Variants in CSHL1 observed in about 807,000 individuals in gnomAD.
The protein encoded by CSHL1 is chorionic somatomammotropin hormone-like 1.
In CSHL1, 25 loss-of-function variants were observed where a neutral mutation model predicts 24.3. The ratio of observed to expected loss-of-function variants is 1.03; its 90% CI spans 0.75 to 1.44. CSHL1 has a LOEUF of 1.44. Ranked by LOEUF, CSHL1 falls within the 40% of genes most tolerant of loss-of-function variation. CSHL1 has a pLI of 0.00. For synonymous variants in CSHL1, 157 were observed against 115.6 expected, an observed-to-expected ratio of 1.36 and a Z score of -2.30; for missense variants, 342 against 279.3, an observed-to-expected ratio of 1.22 and a Z score of -1.60.
At position 63,909,664 on chromosome 17, in the gene CSHL1, G is replaced by A. The variant is rs748064305; in HGVS notation, c.*47C>T. The stretch of plus-strand genomic sequence containing the variant: ...GTGGGCACTGGAGTGGCACCTTCAG[G>A]GCCAGGAGAGGCACTGGGGAGGGGT... On this transcript the variant is annotated 3_prime_UTR_variant, in exon 5 of 5. Transcript: ENST00000309894. 5 of 1,613,570 alleles carry A rather than the reference G, an allele frequency of 3.1e-6. No individual in the cohort carries two copies. In the African/African-American group the frequency reaches 6.7e-5, roughly 22 times the overall value.
intron 2 of CSHL1, 39 bp from the exon 3 acceptor site, chr17:63,910,574 G>T (rs373084242): frequency 4.3e-6 from 7 of 1,614,064 alleles, no homozygotes; most frequent in Middle Eastern, 1.6e-4. Flanking sequence ...AAGGACCACT[G>T]CTTTCTATGC....
rs1157775982 is a variant in CSHL1, at chr17:63,909,850, A to G, written c.530T>C (p.Phe177Ser). ...GTCATGGTTGTGCGAGTTTGTGTCA[A>G]ACTTGCTGTAGGTCTGCTTGAGGGT... ...GQTLKQTYSK[F>S]DTNSHNHDAL... The change falls in exon 5 of 5, where the codon TTT becomes TCT. Residue 177 changes from phenylalanine (F) to serine (S), a missense_variant. Phe to Ser is a radical substitution (Grantham distance 155). Transcript: ENST00000309894. 6 of 1,613,846 alleles carry G rather than the reference A, an allele frequency of 3.7e-6. No homozygotes were observed. The highest frequency in any genetic ancestry group is 5.1e-6 in the Non-Finnish European group (6 of 1,179,860).
At position 63,910,774 on chromosome 17, in the gene CSHL1, T is replaced by C; in HGVS notation, c.161A>G (p.Tyr54Cys). The change falls in exon 2 of 5, where the codon TAC becomes TGC. Residue 54 changes from tyrosine (Y) to cysteine (C), a missense_variant. Coordinates refer to ENST00000309894, the MANE Select transcript of CSHL1 (RefSeq NM_022579.3). ...TCCCCAAGAGCTTATAAACTCCTGG[T>C]AGGTGTCAATGGCCAGCTGGTGTGC... ...HRAHQLAIDTYQEFISSWGME... is the reference protein window; with the variant it reads ...HRAHQLAIDTCQEFISSWGME... 1 of 1,614,178 alleles carries C rather than the reference T, an allele frequency of 6.2e-7. No homozygotes were observed. The highest frequency in any genetic ancestry group is 8.5e-7 in the Non-Finnish European group (1 of 1,180,024).
At position 63,909,642 on chromosome 17, in the gene CSHL1, G is replaced by A; in HGVS notation, c.*69C>T. 1 of 1,610,462 alleles carries A rather than the reference G, an allele frequency of 6.2e-7. No individual in the cohort carries two copies. Among genetic ancestry groups the A allele is most frequent in the East Asian group, 2.2e-5 (1 of 44,802 alleles). ...TAATTTTATTAAGACAAGGCTGGTG[G>A]GCACTGGAGTGGCACCTTCAGGGCC... On this transcript the variant is annotated 3_prime_UTR_variant, in exon 5 of 5. Coordinates refer to ENST00000309894, the MANE Select transcript of CSHL1 (RefSeq NM_022579.3).
At position 63,911,165 on chromosome 17, in the gene CSHL1, A is replaced by G. The variant is rs771225821; in HGVS notation, c.10+22T>C. 1.2e-5 allele frequency: 20 copies of G among 1,613,470 alleles called. No individual in the cohort carries two copies. In the African/African-American group the frequency reaches 2.0e-4, roughly 16 times the overall value. On this transcript the variant is annotated intron_variant, in intron 1 of 4. Transcript: ENST00000309894. ...CTCCCCTCAGGACACGTTGTGCCCA[A>G]AGGGATTTTAGGGGCGCTTACCTGC...
Position 63,910,302 on chromosome 17 carries a change from G to C in CSHL1, c.331C>G (p.Leu111Val). 1 of 1,614,168 alleles carries C rather than the reference G, an allele frequency of 6.2e-7. No homozygotes were observed. The highest frequency in any genetic ancestry group is 8.5e-7 in the Non-Finnish European group (1 of 1,180,010). The change falls in exon 4 of 5, where the codon CTG (leucine) becomes GTG (valine). Residue 111 changes from leucine to valine, a missense_variant. By Grantham distance (32) the Leu-to-Val change is conservative (BLOSUM62 1). Coordinates refer to ENST00000309894, the MANE Select transcript of CSHL1 (RefSeq NM_022579.3). Reference protein sequence around the residue: ...KSNLELLHISLLLIESRLEPV... With the variant: ...KSNLELLHISVLLIESRLEPV... ...TCCAGCCGCGACTCGATGAGCAGCA[G>C]GGAGATGTGGAGCAGCTCTAAGTTC...
chr17:63,910,858 GC>G lies in CSHL1; in HGVS notation c.76del (p.Ala26ProfsTer33), dbSNP rs1472494295. On this transcript the variant is annotated frameshift_variant, in exon 2 of 5. Transcript: ENST00000309894. LOFTEE classifies it high-confidence loss of function. ...LCLPWLQEAG[A>X]VQTVPLSRLF... ...CCTGGATAAGGGAACGGTTTGGACGGCACCAGCCTCTTGAAGCCAGGGCAGG... is the reference window on the plus strand; with the variant it reads ...CCTGGATAAGGGAACGGTTTGGACGGACCAGCCTCTTGAAGCCAGGGCAGG... The G allele has an allele frequency of 6.2e-7, 1 of 1,614,182 alleles. No individual in the cohort carries two copies. The highest frequency in any genetic ancestry group is 8.5e-7 in the Non-Finnish European group (1 of 1,180,038).
rs752673139 is a variant in CSHL1 at position 63,910,932 on chromosome 17, G to C, written c.11-8C>G. On this transcript the variant is annotated splice_polypyrimidine_tract_variant and splice_region_variant and intron_variant, in intron 1 of 4. Coordinates refer to ENST00000309894, the MANE Select transcript of CSHL1 (RefSeq NM_022579.3). The stretch of plus-strand genomic sequence containing the variant: ...GCAGGGACGTCCGGGAGCCTGGGGA[G>C]AAACCGGAGGGCAAGAAGGGAGCCG... 1 of 1,613,756 alleles carries C rather than the reference G, an allele frequency of 6.2e-7. No homozygotes were observed. The highest frequency in any genetic ancestry group is 1.1e-5 in the South Asian group (1 of 91,078).
chr17:63,911,179 G>T lies in CSHL1; in HGVS notation c.10+8C>A. The T allele has an allele frequency of 6.2e-7, 1 of 1,613,750 alleles. No homozygotes were observed. Among genetic ancestry groups the T allele is most frequent in the Non-Finnish European group, 8.5e-7 (1 of 1,179,872 alleles). ...CGTTGTGCCCAAAGGGATTTTAGGG[G>T]CGCTTACCTGCAGCCATTGCCGCTA... On this transcript the variant is annotated splice_region_variant and intron_variant, in intron 1 of 4. Transcript: ENST00000309894.
At chr17:63,910,010 A>G (rs762608368) in intron 4 of CSHL1, 102 bp from the exon 5 acceptor site, 20 of 1,613,778 alleles carry the variant, frequency 1.2e-5, no homozygotes, top group East Asian at 2.2e-5. Flanking sequence ...GTGTAGAGAA[A>G]GGCCTGGAGG....
rs145173950 is a variant in CSHL1 at position 63,909,805 on chromosome 17, C to T, written c.575G>A (p.Gly192Glu). 10 of 1,613,984 alleles carry T rather than the reference C, an allele frequency of 6.2e-6. No individual in the cohort carries two copies. The African/African-American group carries it at 1.2e-4, about 19-fold the overall frequency. ...HNHDALLKNY[G>E]LLHCFRKDMD... ...GTCCTTCCTGAAGCAGTGGAGCAGC[C>T]CGTAGTTCTTGAGCAGTGCGTCATG... The change falls in exon 5 of 5, where the codon GGG (glycine) becomes GAG (glutamate). Residue 192 changes from glycine to glutamate, a missense_variant. Transcript: ENST00000309894.
Position 63,910,750 on chromosome 17 carries a change from C to G in CSHL1, c.185G>C (p.Gly62Ala), listed in dbSNP as rs1287268478. ...DTYQEFISSW[G>A]MEAYITKEQK... ...TTGCCACCCCTGACCCGCACCCATT[C>G]CCCAAGAGCTTATAAACTCCTGGTA... Residue 62 changes from glycine (G) to alanine (A), a missense_variant, in exon 2 of 5, where the codon GGA becomes GCA. Transcript: ENST00000309894. The G allele has an allele frequency of 1.2e-6, 2 of 1,614,110 alleles. No homozygotes were observed. The highest frequency in any genetic ancestry group is 3.3e-5 in the Admixed American group (2 of 60,012).
intron 1 of CSHL1, 81 bp from the exon 2 acceptor site, chr17:63,911,005 T>TTC (rs1205196624): frequency 6.2e-7 from 1 of 1,610,492 alleles, no homozygotes; most frequent in Admixed American, 1.7e-5. Context: ...TGTTTTCTTT[T>TTC]TCTCTCTCTC....
rs200885726 is a variant in CSHL1 at position 63,910,938 on chromosome 17, G to C, written c.11-14C>G. 17 of 1,613,528 alleles carry C rather than the reference G, an allele frequency of 1.1e-5. No individual in the cohort carries two copies. Among genetic ancestry groups the C allele is most frequent in the Non-Finnish European group, 1.4e-5 (16 of 1,179,920 alleles). On this transcript the variant is annotated splice_polypyrimidine_tract_variant and intron_variant, in intron 1 of 4. Transcript: ENST00000309894. The stretch of plus-strand genomic sequence containing the variant: ...ACGTCCGGGAGCCTGGGGAGAAACC[G>C]GAGGGCAAGAAGGGAGCCGCAGAGC...
chr17:63,909,727 C>A lies in CSHL1; in HGVS notation c.653G>T (p.Gly218Val), dbSNP rs777133114. ...CGCGGGCCCCTAGAAGCCACAGCTGCCCTCCACAGAGCGGCACTGCACCAT... is the reference window on the plus strand; with the variant it reads ...CGCGGGCCCCTAGAAGCCACAGCTGACCTCCACAGAGCGGCACTGCACCAT... The part of the protein sequence containing the change: ...LRMVQCRSVE[G>V]SCGF Residue 218 changes from glycine (G) to valine (V), a missense_variant, in exon 5 of 5, where the codon GGC becomes GTC. Coordinates refer to ENST00000309894, the MANE Select transcript of CSHL1 (RefSeq NM_022579.3). 2 of 1,614,028 alleles carry A rather than the reference C, an allele frequency of 1.2e-6. No homozygotes were observed. The highest frequency in any genetic ancestry group is 1.7e-6 in the Non-Finnish European group (2 of 1,180,044).
At chr17:63,911,025 A>G (rs558487087) in intron 1 of CSHL1, 101 bp from the exon 2 acceptor site, 11 of 1,610,290 alleles carry the variant, frequency 6.8e-6, no homozygotes, top group Admixed American at 3.4e-5. Flanking sequence ...CCATCCCTCC[A>G]GGGACCAGGA....
At position 63,909,629 on chromosome 17, in the gene CSHL1, G is replaced by T; in HGVS notation, c.*82C>A. On this transcript the variant is annotated 3_prime_UTR_variant, in exon 5 of 5. Coordinates refer to ENST00000309894, the MANE Select transcript of CSHL1 (RefSeq NM_022579.3). ...AAACAATACAACTTAATTTTATTAA[G>T]ACAAGGCTGGTGGGCACTGGAGTGG... The T allele has an allele frequency of 6.2e-7, 1 of 1,604,910 alleles. No homozygotes were observed. The highest frequency in any genetic ancestry group is 1.1e-5 in the South Asian group (1 of 90,832).
In CSHL1 at chr17:63,910,550, G is replaced by GA. The variant is rs752132898; in HGVS notation, c.191-16dup. ...GATATAGGCTTCTTCCTAGGGGAAG[G>GA]ACCCCCCACCAAGAAGGACCACTGC... is the stretch of plus-strand genomic sequence containing the variant. On this transcript the variant is annotated splice_polypyrimidine_tract_variant and intron_variant, in intron 2 of 4. Transcript: ENST00000309894. 1.2e-6 allele frequency: 2 copies of GA among 1,614,046 alleles called. No individual in the cohort carries two copies. Among genetic ancestry groups the GA allele is most frequent in the Non-Finnish European group, 1.7e-6 (2 of 1,180,006 alleles).
chr17:63,910,394 G>C, intron 3 of CSHL1, 26 bp downstream of exon 3: 1 of 1,614,128 alleles, frequency 6.2e-7, no homozygotes, highest in Non-Finnish European at 8.5e-7. Context: ...CCCCATCCCC[G>C]CCTAGGGGAG....
Sources: gnomAD v4.1 joint callset for allele counts on GRCh38, gnomAD v4.1.1 for gene constraint, MANE v1.5 for transcripts, NCBI Gene and HGNC (gene_info 2026-07-23, HGNC 2026-07-21) for gene names.